The following LRRC4B variants were observed in gnomAD, a reference collection of about 807,000 sequenced individuals.
The protein encoded by LRRC4B is leucine-rich repeat-containing protein 4B.
Under a neutral mutation model 7.3 loss-of-function variants are expected in LRRC4B, and 1 was observed. The observed-to-expected ratio is 0.14, with a 90% CI of 0.05 to 0.65. The LOEUF is 0.65. LRRC4B is among the 30% of genes least tolerant of loss of function. The probability of loss-of-function intolerance (pLI) is 0.84; values close to 1 mark genes in which losing one functional copy is unlikely to be tolerated. For synonymous variants in LRRC4B, 500 were observed against 499.2 expected (o/e 1.00, Z -0.02); for missense variants, 730 against 1,041.6 (o/e 0.70, Z 4.12).
chr19:50,549,941 T>C (rs2122898218), intron 1 of LRRC4B, among the ~76,000 whole-genome samples: 1 of 152,144 alleles, frequency 6.6e-6, no homozygotes, highest in South Asian at 2.1e-4. Flanking sequence ...ACTCGGGCCC[T>C]CTGAGAAGTC....
intron 1 of LRRC4B, among the ~76,000 whole-genome samples, chr19:50,558,217 A>ACACACC (rs1414140730): frequency 1.4e-5 from 2 of 146,172 alleles, no homozygotes; most frequent in Non-Finnish European, 3.0e-5. Context: ...ACACACACAC[A>ACACACC]CACACACACA....
intron 2 of LRRC4B, among the ~76,000 whole-genome samples, chr19:50,545,264 G>A (rs988700758): frequency 5.3e-5 from 8 of 151,832 alleles, no homozygotes; most frequent in Admixed American, 4.6e-4. Flanking sequence ...AAAATTAGCC[G>A]GGCGTGGTGG....
chr19:50,523,077 C>T (rs977013489), intron 2 of LRRC4B, among the ~76,000 whole-genome samples: 5 of 152,184 alleles, frequency 3.3e-5, no homozygotes, highest in African/African-American at 7.2e-5. Flanking sequence ...CCCTGGCTGC[C>T]GCCTCTCAGG....
At chr19:50,527,604 C>G (rs541395658) in intron 2 of LRRC4B, among the ~76,000 whole-genome samples, 1 of 152,008 alleles carries the variant, frequency 6.6e-6, no homozygotes, top group South Asian at 2.1e-4. Context: ...ATGATATGAA[C>G]GGCCCTCTAG....
In LRRC4B at chr19:50,519,308, G is replaced by A. The variant is rs764976201; in HGVS notation, c.405C>T (p.Ser135=). The A allele has an allele frequency of 1.2e-5, 20 of 1,613,790 alleles. 1 individual carries two copies. In the East Asian group the frequency reaches 3.3e-4, roughly 27 times the overall value. The part of the protein sequence containing the change: ...IEVGAFNGLP[S]LNTLELFDNR... The stretch of plus-strand genomic sequence containing the variant: ...TGTCAAAAAGCTCCAGCGTGTTGAG[G>A]CTGGGCAGCCCGTTGAAGGCGCCCA... The change falls in exon 3 of 3, where the codon AGC becomes AGT. Residue 135 remains serine (S), a synonymous_variant. Coordinates refer to ENST00000652263, the MANE Select transcript of LRRC4B (RefSeq NM_001080457.2). This position sits in a 1 kb window ranked among gnomAD's most constrained non-coding sequence, Gnocchi z 8.1.
At chr19:50,552,176 C>T (rs1170358079) in intron 1 of LRRC4B, among the ~76,000 whole-genome samples, 1 of 151,346 alleles carries the variant, frequency 6.6e-6, no homozygotes, top group African/African-American at 2.4e-5. Context: ...CACCACTGAC[C>T]CCCTCGCCCC....
intron 1 of LRRC4B, among the ~76,000 whole-genome samples, chr19:50,560,664 C>A (rs1483635466): frequency 6.6e-6 from 1 of 152,244 alleles, no homozygotes; most frequent in Non-Finnish European, 1.5e-5. Flanking sequence ...TGGCCACTTT[C>A]TCCCTGTGTC....
At position 50,537,444 on chromosome 19, in the gene LRRC4B, G is replaced by A. The variant is rs950719086; in HGVS notation, c.297+11098C>T. Among the ~76,000 whole-genome samples the A allele has an allele frequency of 5.3e-5, 8 of 152,198 alleles. No individual in the cohort carries two copies. Among genetic ancestry groups the A allele is most frequent in the Admixed American group, 3.3e-4 (5 of 15,264 alleles). ...GAAATAATTGGTCTATTTTCTAGAC[G>A]AGAAGGCAGGCTCAGAGAGGTGACT... On this transcript the variant is annotated intron_variant, in intron 2 of 2. Transcript: ENST00000652263. This position sits in a 1 kb window ranked among gnomAD's most constrained non-coding sequence, Gnocchi z 5.5.
intron 2 of LRRC4B, among the ~76,000 whole-genome samples, chr19:50,538,574 T>TCG (rs1568725903): frequency 4.9e-5 from 6 of 121,944 alleles, no homozygotes; most frequent in Admixed American, 2.4e-4. Context: ...TTTTTTTTTT[T>TCG]TTTTTTTTTT....
Position 50,516,896 on chromosome 19 carries a change from A to G in LRRC4B, c.*675T>C, listed in dbSNP as rs1324314689. 1.3e-5 allele frequency: 2 copies of G among 150,704 alleles called. No homozygotes were observed. Among genetic ancestry groups the G allele is most frequent in the Non-Finnish European group, 1.5e-5 (1 of 67,796 alleles). 9.3% of individuals were successfully genotyped at this position (150,704 alleles called of 1,614,324 possible). A position where few individuals can be genotyped will look rare whatever the true frequency, so the allele number is the denominator to read the frequency against. ...TTTGTTTTCTCTCCTCCGTGCTTTC[A>G]TGACCAAAAAAAATATTTTTTTACT... On this transcript the variant is annotated 3_prime_UTR_variant, in exon 3 of 3. Transcript: ENST00000652263.
chr19:50,564,589 T>C lies in LRRC4B; in HGVS notation c.-36+3355A>G, dbSNP rs549573126. On this transcript the variant is annotated intron_variant, in intron 1 of 2. Coordinates refer to ENST00000652263, the MANE Select transcript of LRRC4B (RefSeq NM_001080457.2). ...ACGGATGGGCCAGGTCAGCAAGACA[T>C]TGGGGGCTGGGAGGGCAAAGGGTCA... is the stretch of plus-strand genomic sequence containing the variant. Among the ~76,000 whole-genome samples, 8 of 151,164 alleles carry C rather than the reference T, an allele frequency of 5.3e-5. No individual in the cohort carries two copies. In the East Asian group the frequency reaches 5.9e-4, roughly 11 times the overall value.
rs904596422 is a variant in LRRC4B at position 50,556,056 on chromosome 19, A to G, written c.-35-7183T>C. Among the ~76,000 whole-genome samples the G allele has an allele frequency of 2.6e-5, 4 of 152,112 alleles. No individual in the cohort carries two copies. Among genetic ancestry groups the G allele is most frequent in the Non-Finnish European group, 4.4e-5 (3 of 68,016 alleles). On this transcript the variant is annotated intron_variant, in intron 1 of 2. Coordinates refer to ENST00000652263, the MANE Select transcript of LRRC4B (RefSeq NM_001080457.2). This position sits in a 1 kb window ranked among gnomAD's most constrained non-coding sequence, Gnocchi z 4.2. Reference sequence around the variant, plus strand: ...CCAATCCATGTCCTGAATGCTTTCAAAATAAAAGCAGCCCCACAGCGCCGA... The same window carrying G: ...CCAATCCATGTCCTGAATGCTTTCAGAATAAAAGCAGCCCCACAGCGCCGA...
In LRRC4B at chr19:50,518,329, C is replaced by G; in HGVS notation, c.1384G>C (p.Gly462Arg). The change falls in exon 3 of 3, where the codon GGG (glycine) becomes CGG (arginine). Residue 462 changes from glycine to arginine, a missense_variant. This residue lies in a region of LRRC4B where 192 missense variants were observed against 228.6 expected (regional missense o/e 0.84). Coordinates refer to ENST00000652263, the MANE Select transcript of LRRC4B (RefSeq NM_001080457.2). Reference protein sequence around the residue: ...NVSAVDPVAAGGTGSGGGGPG... With the variant: ...NVSAVDPVAARGTGSGGGGPG... The stretch of plus-strand genomic sequence containing the variant: ...CCGCCCCCGCCGCTGCCGGTGCCCC[C>G]GGCCGCCACGGGGTCCACGGCCGAG... The G allele has an allele frequency of 6.2e-7, 1 of 1,605,600 alleles. No individual in the cohort carries two copies.
Position 50,517,838 on chromosome 19 carries a change from G to A in LRRC4B, c.1875C>T (p.Pro625=), listed in dbSNP as rs776283499. The change falls in exon 3 of 3, where the codon CCC becomes CCT. Residue 625 remains proline (P), a synonymous_variant. Coordinates refer to ENST00000652263, the MANE Select transcript of LRRC4B (RefSeq NM_001080457.2). The surrounding 1 kb of genome is among the most constrained non-coding windows in gnomAD (Gnocchi z 6.6). ...VEIINVEDEL[P]AASAVSVAAA... Reference sequence around the variant, plus strand: ...CGGCCACGGACACGGCCGAGGCGGCGGGCAGCTCGTCCTCCACGTTGATGA... The same window carrying A: ...CGGCCACGGACACGGCCGAGGCGGCAGGCAGCTCGTCCTCCACGTTGATGA... 1.6e-5 allele frequency: 25 copies of A among 1,580,996 alleles called. No individual in the cohort carries two copies. The highest frequency in any genetic ancestry group is 2.1e-5 in the Non-Finnish European group (25 of 1,168,178).
chr19:50,560,854 C>T (rs548973818), intron 1 of LRRC4B, among the ~76,000 whole-genome samples: 3 of 152,108 alleles, frequency 2.0e-5, no homozygotes, highest in South Asian at 2.1e-4. Flanking sequence ...TTTGGGAGGC[C>T]GAGACGGGCG....
Position 50,520,221 on chromosome 19 carries a change from AAAAAAAAAAAAAAAAAAAAAAAAAAAG to A in LRRC4B, c.298-833_298-807del, listed in dbSNP as rs1980502387. Among the ~76,000 whole-genome samples the A allele has an allele frequency of 1.7e-4, 12 of 69,154 alleles. No homozygotes were observed. In the South Asian group the frequency reaches 2.2e-3, roughly 13 times the overall value. The allele number at this position is 69,154 out of a possible 152,430, so 45.4% of individuals were successfully genotyped here. On this transcript the variant is annotated intron_variant, in intron 2 of 2. Coordinates refer to ENST00000652263, the MANE Select transcript of LRRC4B (RefSeq NM_001080457.2). Reference sequence around the variant, plus strand: ...ACCCTGTCAAAAAAAAAAAAAAAAAAAAAAAAAAAAAAAAAAAAAAAAAAAAGAAGAAAAGAAAAGAAAAATGAACAA... The same window carrying A: ...ACCCTGTCAAAAAAAAAAAAAAAAAAAAGAAAAGAAAAGAAAAATGAACAA...
At chr19:50,564,422 C>T (rs1213061811) in intron 1 of LRRC4B, among the ~76,000 whole-genome samples, 1 of 151,814 alleles carries the variant, frequency 6.6e-6, no homozygotes, top group African/African-American at 2.4e-5. Flanking sequence ...GCAGGAACAG[C>T]AGCAGAGGTG....
intron 2 of LRRC4B, among the ~76,000 whole-genome samples, chr19:50,536,701 G>A (rs1279656157): frequency 1.7e-4 from 26 of 152,200 alleles, no homozygotes; most frequent in Admixed American, 6.5e-5. Flanking sequence ...CGGCATCCTT[G>A]TGAGGATTAA....
At chr19:50,528,501 C>T (rs560618042) in intron 2 of LRRC4B, among the ~76,000 whole-genome samples, 5 of 152,240 alleles carry the variant, frequency 3.3e-5, no homozygotes, top group Admixed American at 6.5e-5. Flanking sequence ...TGCACCACCA[C>T]GCCCAGCTAA....
Sources: gnomAD v4.1 joint callset for allele counts (sites outside exome capture counted in the v4.1 genomes callset) on GRCh38, gnomAD v4.1.1 for gene constraint, gnomAD v4.1.1 regional missense constraint, Gnocchi (gnomAD v3.1) non-coding constraint, MANE v1.5 for transcripts, NCBI Gene and HGNC (gene_info 2026-07-23, HGNC 2026-07-21) for gene names.